NARS2: variants seen among roughly 807,000 people sequenced by gnomAD.
NARS2 encodes the protein asparaginyl-tRNA synthetase.
In NARS2, 60 loss-of-function variants were observed where a neutral mutation model predicts 62.9. The observed-to-expected ratio is 0.95, with a 90% CI of 0.77 to 1.18. NARS2 has a LOEUF of 1.18. Ranked by LOEUF, NARS2 falls within the 50% of genes most tolerant of loss-of-function variation. The pLI, the probability that NARS2 is intolerant of heterozygous loss-of-function variation, is 0.00. For missense variants in NARS2, 619 were observed against 576.4 expected, an observed-to-expected ratio of 1.07 and a Z score of -0.76; for synonymous variants, 196 against 200.0, an observed-to-expected ratio of 0.98 and a Z score of 0.17.
At chr11:78,529,454 T>C (rs1311674013) in intron 5 of NARS2, among the ~76,000 whole-genome samples, 1 of 152,182 alleles carries the variant, frequency 6.6e-6, no homozygotes, top group Non-Finnish European at 1.5e-5. Flanking sequence ...CATAACTAGG[T>C]AGCAGGAAAA....
intron 7 of NARS2, 70 bp from the exon 8 acceptor site, chr11:78,478,753 T>G: frequency 1.2e-6 from 1 of 842,342 alleles, no homozygotes; most frequent in Non-Finnish European, 1.9e-6. Context: ...CAGGACTCAA[T>G]AAGGACCGCA....
At chr11:78,470,332 A>G (rs370480325) in intron 9 of NARS2, among the ~76,000 whole-genome samples, 25 of 152,338 alleles carry the variant, frequency 1.6e-4, no homozygotes, top group Admixed American at 3.9e-4. Flanking sequence ...ATCAAGATGT[A>G]TAAGAGTATA....
intron 6 of NARS2, among the ~76,000 whole-genome samples, chr11:78,496,095 G>T (rs1228763884): frequency 6.6e-6 from 1 of 152,110 alleles, no homozygotes; most frequent in Admixed American, 6.5e-5. Context: ...TTTTGATAGA[G>T]TAAGAACTAA....
intron 11 of NARS2, among the ~76,000 whole-genome samples, chr11:78,449,744 T>C (rs1374488917): frequency 6.6e-6 from 1 of 152,176 alleles, no homozygotes. Context: ...TTGAGAAGCA[T>C]AACTAGCCTC....
At chr11:78,548,493 CATTTCTAGA>C (rs1339031024) in intron 5 of NARS2, among the ~76,000 whole-genome samples, 1 of 152,106 alleles carries the variant, frequency 6.6e-6, no homozygotes, top group Non-Finnish European at 1.5e-5. Context: ...TTTGTGTTAC[CATTTCTAGA>C]ATGCACAACA....
chr11:78,543,902 G>A (rs11826774), intron 5 of NARS2, among the ~76,000 whole-genome samples: 3,618 of 150,638 alleles, frequency 0.024, 132 homozygotes, highest in African/African-American at 0.083. Flanking sequence ...GTGGTGGCGC[G>A]CACCTGTAGT....
rs200382224 is a variant in NARS2, at chr11:78,559,511, A to G, written c.594+28T>C. On this transcript the variant is annotated intron_variant, in intron 5 of 13. Coordinates refer to ENST00000281038, the MANE Select transcript of NARS2 (RefSeq NM_024678.6). Reference sequence around the variant, plus strand: ...AATGAAAAATATTAAACAGCAATGTACCCCTCAAGATGGGAAGCAAAACTT... The same window carrying G: ...AATGAAAAATATTAAACAGCAATGTGCCCCTCAAGATGGGAAGCAAAACTT... 3.5e-4 allele frequency: 494 copies of G among 1,400,678 alleles called. 1 individual carries two copies. The highest frequency in any genetic ancestry group is 2.1e-4 in the Non-Finnish European group (207 of 987,304). The allele number at this position is 1,400,678 out of a possible 1,614,324, so 86.8% of individuals were successfully genotyped here.
At chr11:78,446,001 G>C (rs1459155471) in intron 11 of NARS2, among the ~76,000 whole-genome samples, 1 of 152,020 alleles carries the variant, frequency 6.6e-6, no homozygotes, top group Non-Finnish European at 1.5e-5. Flanking sequence ...GTATTATTTT[G>C]TGACTTTCCT....
intron 6 of NARS2, among the ~76,000 whole-genome samples, chr11:78,513,709 C>T (rs1025988084): frequency 6.6e-5 from 10 of 152,070 alleles, no homozygotes; most frequent in Admixed American, 5.9e-4. Flanking sequence ...ACCTGGGAGG[C>T]AGTTATAACT....
intron 6 of NARS2, among the ~76,000 whole-genome samples, chr11:78,518,105 A>G (rs991988204): frequency 6.6e-6 from 1 of 152,264 alleles, no homozygotes; most frequent in African/African-American, 2.4e-5. Context: ...ATATTTGGAA[A>G]AAACAAAAAA....
intron 5 of NARS2, among the ~76,000 whole-genome samples, chr11:78,532,741 T>C (rs1244904629): frequency 6.6e-6 from 1 of 152,224 alleles, no homozygotes; most frequent in Non-Finnish European, 1.5e-5. Context: ...TCCTTTTTCA[T>C]GTACCCAGCT....
rs1364644803 is a variant in NARS2, at chr11:78,574,426, C to T, written c.63G>A (p.Lys21=). The change falls in exon 1 of 14, where the codon AAG becomes AAA. Residue 21 remains lysine, a synonymous_variant. Coordinates refer to ENST00000281038, the MANE Select transcript of NARS2 (RefSeq NM_024678.6). The stretch of plus-strand genomic sequence containing the variant: ...CGCTCAGTTTGGCTGAAGGTTTGTG[C>T]TTGGGGAAGGGGGCGGAGGAACAGA... ...VRFCSSAPFP[K]HKPSAKLSVR... 3.1e-6 allele frequency: 5 copies of T among 1,614,078 alleles called. No homozygotes were observed. Among genetic ancestry groups the T allele is most frequent in the Non-Finnish European group, 4.2e-6 (5 of 1,180,050 alleles).
chr11:78,449,280 C>A (rs1857879286), intron 11 of NARS2, among the ~76,000 whole-genome samples: 1 of 151,858 alleles, frequency 6.6e-6, no homozygotes, highest in South Asian at 2.1e-4. Context: ...GGACTACAGG[C>A]ACCTGCCACC....
intron 5 of NARS2, among the ~76,000 whole-genome samples, chr11:78,536,540 A>G (rs1855351924): frequency 6.6e-6 from 1 of 152,220 alleles, no homozygotes; most frequent in Non-Finnish European, 1.5e-5. Context: ...AAAAATGTAT[A>G]AACAGTAAAA....
At chr11:78,514,960 T>A (rs969451432) in intron 6 of NARS2, among the ~76,000 whole-genome samples, 3 of 152,072 alleles carry the variant, frequency 2.0e-5, no homozygotes, top group Non-Finnish European at 4.4e-5. Context: ...GAGACAACTT[T>A]AAAATAATAA....
At chr11:78,443,168 T>C (rs1391098367) in intron 12 of NARS2, among the ~76,000 whole-genome samples, 2 of 151,532 alleles carry the variant, frequency 1.3e-5, no homozygotes, top group African/African-American at 2.4e-5. Flanking sequence ...TACTAAAAAA[T>C]ACAAAAAATT....
intron 6 of NARS2, among the ~76,000 whole-genome samples, chr11:78,512,923 C>T (rs1860769388): frequency 6.6e-6 from 1 of 152,078 alleles, no homozygotes; most frequent in Non-Finnish European, 1.5e-5. Flanking sequence ...CTTTGTGTTA[C>T]AAACAATCCA....
chr11:78,529,016 A>G, intron 5 of NARS2, 80 bp from the exon 6 acceptor site: 1 of 893,562 alleles, frequency 1.1e-6, no homozygotes, highest in Non-Finnish European at 1.8e-6. Context: ...TGTCACAACT[A>G]AAAATCACAA....
chr11:78,565,033 C>T (rs1307818575), intron 4 of NARS2, among the ~76,000 whole-genome samples: 3 of 152,190 alleles, frequency 2.0e-5, no homozygotes, highest in Admixed American at 2.0e-4. Context: ...CAGGAAGCCT[C>T]ACAAAACCAC....
Sources: gnomAD v4.1 joint callset for allele counts (sites outside exome capture counted in the v4.1 genomes callset) on GRCh38, gnomAD v4.1.1 for gene constraint, MANE v1.5 for transcripts, NCBI Gene and HGNC (gene_info 2026-07-23, HGNC 2026-07-21) for gene names.